Variants in EZH1 observed in about 807,000 individuals in gnomAD.
EZH1 encodes the protein enhancer of zeste 1 polycomb repressive complex 2 subunit.
EZH1 carries 33 observed loss-of-function variants against 100.5 expected under a neutral mutation model. The ratio of observed to expected loss-of-function variants is 0.33; its 90% CI spans 0.25 to 0.44. EZH1 has a LOEUF of 0.44. Ranked by LOEUF, EZH1 falls within the 20% of genes least tolerant of loss-of-function variation. The probability of loss-of-function intolerance (pLI) is 1.00; values close to 1 mark genes in which losing one functional copy is unlikely to be tolerated. For missense variants in EZH1, 475 were observed against 928.4 expected, an observed-to-expected ratio of 0.51 and a Z score of 6.35; for synonymous variants, 272 against 313.8, an observed-to-expected ratio of 0.87 and a Z score of 1.41.
At chr17:42,712,184 A>G in intron 12 of EZH1, 105 bp downstream of exon 12, 1 of 1,252,684 alleles carries the variant, frequency 8.0e-7, no homozygotes, top group Non-Finnish European at 1.1e-6. Flanking sequence ...ACTTAAGACA[A>G]CTTCTCTCCA....
intron 10 of EZH1, among the ~76,000 whole-genome samples, chr17:42,713,825 G>GT (rs2053538549): frequency 6.6e-6 from 1 of 152,166 alleles, no homozygotes; most frequent in African/African-American, 2.4e-5. Context: ...CCAGTGAGTT[G>GT]TATCTAAAAT....
At chr17:42,709,446 T>A (rs2053430344) in intron 13 of EZH1, 2 of 181,584 alleles carry the variant, frequency 1.1e-5, no homozygotes, top group South Asian at 2.9e-4. Flanking sequence ...CCAACCTAAG[T>A]AAAGGCTATC....
At chr17:42,740,296 G>A (rs1597872156) in intron 1 of EZH1, among the ~76,000 whole-genome samples, 1 of 150,808 alleles carries the variant, frequency 6.6e-6, no homozygotes, top group East Asian at 2.0e-4. Context: ...CTGGAGTGCA[G>A]TGGTGCAATC....
At chr17:42,711,436 G>A (rs1367222437) in intron 12 of EZH1, among the ~76,000 whole-genome samples, 1 of 152,000 alleles carries the variant, frequency 6.6e-6, no homozygotes, top group Admixed American at 6.6e-5. Flanking sequence ...TCATGCCACT[G>A]CACTCCAGCC....
At chr17:42,714,994 TAA>T (rs2053569066) in intron 10 of EZH1, among the ~76,000 whole-genome samples, 1 of 138,590 alleles carries the variant, frequency 7.2e-6, no homozygotes, top group South Asian at 2.1e-4. Context: ...TATTTATATA[TAA>T]TTTATATAAA....
intron 10 of EZH1, among the ~76,000 whole-genome samples, chr17:42,713,923 G>C (rs2053540633): frequency 6.6e-6 from 1 of 152,216 alleles, no homozygotes; most frequent in African/African-American, 2.4e-5. Flanking sequence ...AAACTAGCTT[G>C]AGAGTATGCA....
chr17:42,704,172 C>A (rs2053302321), intron 18 of EZH1, among the ~76,000 whole-genome samples: 1 of 152,168 alleles, frequency 6.6e-6, no homozygotes, highest in Non-Finnish European at 1.5e-5. Flanking sequence ...ATCCTGCCCC[C>A]TTGCTCTATG....
intron 2 of EZH1, among the ~76,000 whole-genome samples, chr17:42,729,534 G>C (rs1199858556): frequency 6.7e-6 from 1 of 149,490 alleles, no homozygotes; most frequent in Non-Finnish European, 1.5e-5. Flanking sequence ...TTCAAGACTA[G>C]CCTGGCCAAC....
intron 1 of EZH1, among the ~76,000 whole-genome samples, chr17:42,737,819 C>T (rs1320238627): frequency 3.9e-5 from 6 of 152,106 alleles, no homozygotes; most frequent in African/African-American, 1.4e-4. Flanking sequence ...AAGGCTAAAA[C>T]TAGAATGTAG....
In EZH1 at chr17:42,706,203, G is replaced by A. The variant is rs373160686; in HGVS notation, c.1661-18C>T. The A allele has an allele frequency of 1.3e-6, 2 of 1,599,344 alleles. No homozygotes were observed. The highest frequency in any genetic ancestry group is 8.5e-7 in the Non-Finnish European group (1 of 1,170,308). On this transcript the variant is annotated intron_variant, in intron 15 of 20. Coordinates refer to ENST00000428826, the MANE Select transcript of EZH1 (RefSeq NM_001991.5). The surrounding 1 kb of genome is among the most constrained non-coding windows in gnomAD (Gnocchi z 4.4). ...ATTCTGACCTGGGAAGGGAAGACAG[G>A]TAAGTCTTAGAAGGGAAATAAGCTA...
At chr17:42,716,235 G>T (rs934308503) in intron 10 of EZH1, among the ~76,000 whole-genome samples, 1 of 152,090 alleles carries the variant, frequency 6.6e-6, no homozygotes, top group African/African-American at 2.4e-5. Flanking sequence ...TGTCCTAGGT[G>T]TAATAATGTG....
Position 42,718,037 on chromosome 17 carries a change from C to T in EZH1, c.962G>A (p.Arg321His), listed in dbSNP as rs2143786003. The change falls in exon 10 of 21, where the codon CGC becomes CAC. Residue 321 changes from arginine to histidine, a missense_variant. Physicochemically the swap from Arg to His is conservative, Grantham distance 29. Around this residue, in one of 8 missense-constraint regions of EZH1, gnomAD observed 180 missense variants for 295.3 expected, o/e 0.61. Coordinates refer to ENST00000428826, the MANE Select transcript of EZH1 (RefSeq NM_001991.5). This position sits in a 1 kb window ranked among gnomAD's most constrained non-coding sequence, Gnocchi z 4.2. ...TTCAATCTTGATTTCTTTATTCTTG[C>T]GTTTATATACATTAGGGGTGGCATG... Reference protein sequence around the residue: ...PFHATPNVYKRKNKEIKIEPE... With the variant: ...PFHATPNVYKHKNKEIKIEPE... 6.2e-7 allele frequency: 1 copy of T among 1,614,108 alleles called. No homozygotes were observed. Among genetic ancestry groups the T allele is most frequent in the Non-Finnish European group, 8.5e-7 (1 of 1,180,016 alleles).
intron 19 of EZH1, 98 bp from the exon 20 acceptor site, chr17:42,703,059 C>T: frequency 8.3e-7 from 1 of 1,203,398 alleles, no homozygotes; most frequent in Non-Finnish European, 1.2e-6. Flanking sequence ...CCAGTGAAAA[C>T]ATGAATCAAA....
In EZH1 at chr17:42,718,331, G is replaced by A; in HGVS notation, c.931+123C>T. 7.7e-7 allele frequency: 1 copy of A among 1,292,024 alleles called. No individual in the cohort carries two copies. The highest frequency in any genetic ancestry group is 1.5e-5 in the South Asian group (1 of 68,812). The allele number at this position is 1,292,024 out of a possible 1,614,324, so 80.0% of individuals were successfully genotyped here. ...AATTGAGCAAGGGAAAATAGAACTG[G>A]CCCTTTGTAAAACGTTAGAACAGAA... On this transcript the variant is annotated intron_variant, in intron 9 of 20. Coordinates refer to ENST00000428826, the MANE Select transcript of EZH1 (RefSeq NM_001991.5). The surrounding 1 kb of genome is among the most constrained non-coding windows in gnomAD (Gnocchi z 4.2).
At chr17:42,726,032 C>A (rs920177773) in intron 4 of EZH1, among the ~76,000 whole-genome samples, 21 of 151,988 alleles carry the variant, frequency 1.4e-4, no homozygotes, top group African/African-American at 4.8e-4. Context: ...GTGCACGCCA[C>A]CACGCTCGGC....
At chr17:42,721,218 AATGTAGTTCAACAGC>A (rs2053699991) in intron 6 of EZH1, among the ~76,000 whole-genome samples, 1 of 152,190 alleles carries the variant, frequency 6.6e-6, no homozygotes, top group African/African-American at 2.4e-5. Flanking sequence ...GTGGACAAAT[AATGTAGTTCAACAGC>A]ATCACAACAG....
chr17:42,715,988 G>A (rs2053596607), intron 10 of EZH1, among the ~76,000 whole-genome samples: 1 of 151,340 alleles, frequency 6.6e-6, no homozygotes, highest in Non-Finnish European at 1.5e-5. Flanking sequence ...TGGAGATTGT[G>A]GTGAGCTGAG....
chr17:42,709,047 C>A, intron 13 of EZH1, 131 bp from the exon 14 acceptor site: 1 of 962,950 alleles, frequency 1.0e-6, no homozygotes, highest in Non-Finnish European at 1.6e-6. Flanking sequence ...AACCCCTCAA[C>A]AGGACGACTT....
At chr17:42,742,584 T>A (rs867394355) in intron 1 of EZH1, among the ~76,000 whole-genome samples, 1 of 152,300 alleles carries the variant, frequency 6.6e-6, no homozygotes, top group South Asian at 2.1e-4. Flanking sequence ...AATACTAGCA[T>A]CCGGATCACC....
Sources: gnomAD v4.1 joint callset for allele counts (sites outside exome capture counted in the v4.1 genomes callset) on GRCh38, gnomAD v4.1.1 for gene constraint, gnomAD v4.1.1 regional missense constraint, Gnocchi (gnomAD v3.1) non-coding constraint, MANE v1.5 for transcripts, NCBI Gene and HGNC (gene_info 2026-07-23, HGNC 2026-07-21) for gene names.